The following ACACA variants were observed in gnomAD, a reference collection of about 807,000 sequenced individuals.
ACACA encodes the protein acetyl-CoA carboxylase alpha.
ACACA carries 103 observed loss-of-function variants against 296.1 expected under a neutral mutation model. The ratio of observed to expected loss-of-function variants is 0.35; its 90% CI spans 0.30 to 0.41. The LOEUF is 0.41. Among genes scored for constraint, ACACA ranks in the 10% least tolerant of loss-of-function variants. The pLI is 1.00. For missense variants in ACACA, 1,554 were observed against 2,989.7 expected (o/e 0.52, Z 11.20); for synonymous variants, 953 against 1,038.6 (o/e 0.92, Z 1.58).
intron 3 of ACACA, among the ~76,000 whole-genome samples, chr17:37,300,437 C>A (rs1317297349): frequency 1.3e-5 from 2 of 152,108 alleles, no homozygotes; most frequent in Admixed American, 1.3e-4. Context: ...AAGACAACTT[C>A]CTGAGGCAAG....
chr17:37,177,562 T>C (rs916345502), intron 41 of ACACA, among the ~76,000 whole-genome samples: 1 of 152,170 alleles, frequency 6.6e-6, no homozygotes, highest in Non-Finnish European at 1.5e-5. Context: ...AAAATCTCAT[T>C]TTGTGTTTTA....
intron 3 of ACACA, among the ~76,000 whole-genome samples, chr17:37,329,382 T>C (rs2047757169): frequency 6.6e-6 from 1 of 152,096 alleles, no homozygotes; most frequent in Non-Finnish European, 1.5e-5. Context: ...GTTCATATCT[T>C]TAATCCCAGC....
At position 37,330,217 on chromosome 17, in the gene ACACA, A is replaced by G. The variant is rs1568005061; in HGVS notation, c.294T>C (p.Asp98=). 1 of 1,614,178 alleles carries G rather than the reference A, an allele frequency of 6.2e-7. No homozygotes were observed. Among genetic ancestry groups the G allele is most frequent in the Non-Finnish European group, 8.5e-7 (1 of 1,180,026 alleles). Residue 98 remains aspartate, a synonymous_variant, in exon 3 of 56, where the codon GAT becomes GAC. Coordinates refer to ENST00000616317, the MANE Select transcript of ACACA (RefSeq NM_198834.3). ...CATCCTGTAGGCTAGAGATCCCCAA[A>G]TCAGAGAGTGTATCTGAGCCAACAG... ...PASVGSDTLS[D]LGISSLQDGL...
At chr17:37,142,012 GT>G (rs1044306210) in intron 45 of ACACA, among the ~76,000 whole-genome samples, 168 of 130,042 alleles carry the variant, frequency 1.3e-3, no homozygotes, top group Middle Eastern at 4.0e-3. Flanking sequence ...GTTTTTTTTT[GT>G]TTTTTTTTTT....
chr17:37,268,737 C>CTATATATATATATATATATATATATA (rs1302264722), intron 10 of ACACA, among the ~76,000 whole-genome samples: 1 of 70,934 alleles, frequency 1.4e-5, no homozygotes, highest in African/African-American at 6.0e-5. Flanking sequence ...ATCTATCTAT[C>CTATATATATATATATATATATATATA]TATCTATATA....
At chr17:37,216,533 A>T (rs2079006380) in intron 29 of ACACA, among the ~76,000 whole-genome samples, 1 of 152,112 alleles carries the variant, frequency 6.6e-6, no homozygotes, top group Non-Finnish European at 1.5e-5. Flanking sequence ...TCTGCTTTTT[A>T]AAAAAATTAT....
chr17:37,224,638 G>C lies in ACACA; in HGVS notation c.3474+354C>G, dbSNP rs116629840. Reference sequence around the variant, plus strand: ...CTGATTCAAATATCATAAATCATCAGAGAAATGTGTGTGTGTATATATATA... The same window carrying C: ...CTGATTCAAATATCATAAATCATCACAGAAATGTGTGTGTGTATATATATA... On this transcript the variant is annotated intron_variant, in intron 27 of 55. Coordinates refer to ENST00000616317, the MANE Select transcript of ACACA (RefSeq NM_198834.3). Among the ~76,000 whole-genome samples the C allele has an allele frequency of 9.7e-3, 1,479 of 151,938 alleles. 21 individuals carry two copies. The highest frequency in any genetic ancestry group is 0.034 in the African/African-American group (1,407 of 41,368).
rs1433402202 is a variant in ACACA, at chr17:37,394,563, CTT to C, written c.38+11697_38+11698del. On this transcript the variant is annotated intron_variant, in intron 1 of 55. Coordinates refer to ENST00000616317, the MANE Select transcript of ACACA (RefSeq NM_198834.3). The stretch of plus-strand genomic sequence containing the variant: ...AGTTCTTTCTTATTAAGCTACCACA[CTT>C]TGTTTTTATAATTATTAAAGTGCAT... Among the ~76,000 whole-genome samples, 7 of 150,696 alleles carry C rather than the reference CTT, an allele frequency of 4.6e-5. No homozygotes were observed. The East Asian group carries it at 1.2e-3, about 26-fold the overall frequency.
intron 29 of ACACA, among the ~76,000 whole-genome samples, chr17:37,214,088 C>T (rs1332429569): frequency 6.6e-6 from 1 of 152,154 alleles, no homozygotes; most frequent in Non-Finnish European, 1.5e-5. Context: ...TAGGGCAACT[C>T]TTTTGAAATC....
chr17:37,135,057 G>C (rs1346897645), intron 45 of ACACA, among the ~76,000 whole-genome samples: 3 of 152,184 alleles, frequency 2.0e-5, no homozygotes, highest in African/African-American at 7.2e-5. Flanking sequence ...AAATGCAATA[G>C]CTCATCTACT....
chr17:37,086,728 T>C lies in ACACA; in HGVS notation c.*588A>G, dbSNP rs1373824752. On this transcript the variant is annotated 3_prime_UTR_variant, in exon 56 of 56. Transcript: ENST00000616317. ...CATCTTTGAGTTCCTATGGAGCTTG[T>C]AGTAGATTTTATGCTCTAATTTTTC... 1 of 157,156 alleles carries C rather than the reference T, an allele frequency of 6.4e-6. No individual in the cohort carries two copies. Among genetic ancestry groups the C allele is most frequent in the Admixed American group, 6.1e-5 (1 of 16,418 alleles). 9.7% of individuals were successfully genotyped at this position (157,156 alleles called of 1,614,324 possible).
Position 37,301,485 on chromosome 17 carries a change from T to C in ACACA, c.339-16515A>G, listed in dbSNP as rs561173762. The stretch of plus-strand genomic sequence containing the variant: ...ACCCGGCAGACAGTGATGCATTCGC[T>C]AGCTTGACTGCAACACAGTCTGAGT... On this transcript the variant is annotated intron_variant, in intron 3 of 55. Coordinates refer to ENST00000616317, the MANE Select transcript of ACACA (RefSeq NM_198834.3). The C allele has an allele frequency of 6.0e-4, 422 of 697,958 alleles. 4 individuals carry two copies. The South Asian group carries it at 8.3e-3, about 14-fold the overall frequency. The allele number at this position is 697,958 out of a possible 1,614,324, so 43.2% of individuals were successfully genotyped here.
chr17:37,266,426 A>G lies in ACACA; in HGVS notation c.1120-2532T>C, dbSNP rs1020008008. ...GAGACTCCCTCTCAAGAAAACAAAA[A>G]AAAAAAAGATAGTTAGAAGCATGTT... On this transcript the variant is annotated intron_variant, in intron 10 of 55. Coordinates refer to ENST00000616317, the MANE Select transcript of ACACA (RefSeq NM_198834.3). Among the ~76,000 whole-genome samples the G allele has an allele frequency of 2.0e-5, 3 of 151,978 alleles. No homozygotes were observed. In the East Asian group the frequency reaches 5.8e-4, roughly 29 times the overall value.
At chr17:37,241,555 A>C (rs1302709303) in intron 23 of ACACA, among the ~76,000 whole-genome samples, 1 of 152,024 alleles carries the variant, frequency 6.6e-6, no homozygotes, top group Non-Finnish European at 1.5e-5. Flanking sequence ...AAATACAAAA[A>C]TTAGCTGGAT....
chr17:37,336,706 T>C (rs1019300492), intron 2 of ACACA, among the ~76,000 whole-genome samples: 5 of 152,292 alleles, frequency 3.3e-5, no homozygotes, highest in Middle Eastern at 3.4e-3. Context: ...AAAATAATAA[T>C]TCCCAATTGT....
At chr17:37,089,485 C>T (rs535672677) in intron 54 of ACACA, among the ~76,000 whole-genome samples, 36 of 152,316 alleles carry the variant, frequency 2.4e-4, no homozygotes, top group African/African-American at 8.4e-4. Context: ...TGGTGTTTTG[C>T]TCTCAGAGGA....
intron 3 of ACACA, among the ~76,000 whole-genome samples, chr17:37,293,161 A>C (rs1329156370): frequency 1.3e-5 from 2 of 152,228 alleles, no homozygotes; most frequent in African/African-American, 2.4e-5. Context: ...TTTATTATCT[A>C]AACTTTTCCA....
chr17:37,103,275 TCTC>T (rs1294831852), intron 52 of ACACA, among the ~76,000 whole-genome samples: 4 of 152,150 alleles, frequency 2.6e-5, no homozygotes, highest in South Asian at 4.2e-4. Flanking sequence ...TGAACCCTGT[TCTC>T]CTGAAAGAAA....
At chr17:37,322,995 C>T (rs1469617089) in intron 3 of ACACA, among the ~76,000 whole-genome samples, 1 of 152,256 alleles carries the variant, frequency 6.6e-6, no homozygotes, top group Non-Finnish European at 1.5e-5. Context: ...AGCTGTCACA[C>T]TGGCCCTCTG....
Sources: gnomAD v4.1 joint callset for allele counts (sites outside exome capture counted in the v4.1 genomes callset) on GRCh38, gnomAD v4.1.1 for gene constraint, MANE v1.5 for transcripts, NCBI Gene and HGNC (gene_info 2026-07-23, HGNC 2026-07-21) for gene names.